The following DOCK1 variants were observed in gnomAD, a reference collection of about 807,000 sequenced individuals.
The protein encoded by DOCK1 is dedicator of cytokinesis 1.
A neutral mutation model predicts 262.7 loss-of-function variants in DOCK1; 138 were observed. That is an observed-to-expected ratio of 0.53 (90% CI 0.46 to 0.61). The LOEUF (loss-of-function observed/expected upper bound fraction) is 0.61, where lower values mean the gene tolerates loss of function less well. Ranked by LOEUF, DOCK1 falls within the 20% of genes least tolerant of loss-of-function variation. DOCK1 has a pLI of 0.00. For synonymous variants in DOCK1, 866 were observed against 867.4 expected, an observed-to-expected ratio of 1.00 and a Z score of 0.03; for missense variants, 1,908 against 2,370.7, an observed-to-expected ratio of 0.80 and a Z score of 4.05.
intron 46 of DOCK1, among the ~76,000 whole-genome samples, chr10:127,421,040 C>T (rs746065036): frequency 1.2e-4 from 18 of 152,062 alleles, no homozygotes; most frequent in Non-Finnish European, 1.6e-4. Context: ...CCTTAGCCTT[C>T]CAAGTAGCTG....
intron 27 of DOCK1, among the ~76,000 whole-genome samples, chr10:127,143,713 G>A (rs2051504840): frequency 6.6e-6 from 1 of 152,156 alleles, no homozygotes; most frequent in South Asian, 2.1e-4. Context: ...GTTGGGATCT[G>A]GATCCCAGGC....
intron 19 of DOCK1, 112 bp downstream of exon 19, chr10:127,037,928 C>G: frequency 1.2e-6 from 1 of 868,932 alleles, no homozygotes; most frequent in Non-Finnish European, 1.7e-6. Flanking sequence ...TGGTTATACT[C>G]CCTTTAAAAA....
intron 23 of DOCK1, among the ~76,000 whole-genome samples, chr10:127,078,368 T>C (rs1167035426): frequency 1.3e-5 from 2 of 151,964 alleles, no homozygotes; most frequent in African/African-American, 4.8e-5. Context: ...AGGAGCCCCT[T>C]TGGGGGTGTG....
chr10:127,345,165 A>G (rs61870292), intron 31 of DOCK1, among the ~76,000 whole-genome samples: 9,205 of 152,326 alleles, frequency 0.06, 330 homozygotes, highest in Middle Eastern at 0.11. Context: ...ACCCAGTGAC[A>G]TATTTCTCAG....
chr10:127,361,943 C>T, intron 32 of DOCK1, 121 bp from the exon 33 acceptor site: 1 of 1,164,876 alleles, frequency 8.6e-7, no homozygotes, highest in Non-Finnish European at 1.2e-6. Context: ...AATGGATGCA[C>T]ATTTTCGGGA....
intron 29 of DOCK1, among the ~76,000 whole-genome samples, chr10:127,333,731 G>A (rs1419415167): frequency 3.3e-5 from 5 of 152,162 alleles, no homozygotes; most frequent in African/African-American, 1.2e-4. Context: ...GCAGAGCCTC[G>A]CCGGCCACAC....
rs1042146609 is a variant in DOCK1 at position 127,382,756 on chromosome 10, G to A, written c.3807+1388G>A. 3.3e-5 allele frequency among the ~76,000 whole-genome samples: 5 copies of A among 152,272 alleles called. No homozygotes were observed. The South Asian group carries it at 6.2e-4, about 19-fold the overall frequency. ...AAACTGCTCACTCAACCCTTACTCC[G>A]TCCCTCATAGAACGTAAACTTTTAT... On this transcript the variant is annotated intron_variant, in intron 37 of 51. Transcript: ENST00000623213.
intron 29 of DOCK1, among the ~76,000 whole-genome samples, chr10:127,330,838 T>C (rs2062945458): frequency 2.0e-5 from 3 of 152,226 alleles, no homozygotes; most frequent in African/African-American, 7.2e-5. Flanking sequence ...ACATGTGTGA[T>C]TGAGCCATGC....
chr10:127,030,826 C>G (rs2043186786), intron 16 of DOCK1, among the ~76,000 whole-genome samples: 1 of 151,846 alleles, frequency 6.6e-6, no homozygotes, highest in Non-Finnish European at 1.5e-5. Context: ...CTGTCTCTAT[C>G]TCTATCTCTG....
At chr10:127,388,556 T>C (rs76579230) in intron 38 of DOCK1, among the ~76,000 whole-genome samples, 1,830 of 152,338 alleles carry the variant, frequency 0.012, 32 homozygotes, top group African/African-American at 0.042. Context: ...ACAATCTGGA[T>C]GGCCTGCACT....
intron 23 of DOCK1, among the ~76,000 whole-genome samples, chr10:127,093,227 C>CTTTTCTTTT (rs748178663): frequency 1.0e-4 from 7 of 67,830 alleles, no homozygotes; most frequent in African/African-American, 4.0e-4. Context: ...TCTTTTCTTT[C>CTTTTCTTTT]TTTCTTTCTT....
intron 27 of DOCK1, among the ~76,000 whole-genome samples, chr10:127,179,510 T>C (rs2055515071): frequency 6.6e-6 from 1 of 152,220 alleles, no homozygotes; most frequent in Admixed American, 6.5e-5. Flanking sequence ...TTATTTTGGC[T>C]TCAAATGAGG....
chr10:127,073,711 A>T (rs555547536), intron 23 of DOCK1, among the ~76,000 whole-genome samples: 4 of 152,364 alleles, frequency 2.6e-5, no homozygotes, highest in Admixed American at 2.0e-4. Context: ...TTTAAGCAGG[A>T]GGCTATCCCT....
intron 29 of DOCK1, among the ~76,000 whole-genome samples, chr10:127,299,547 C>A (rs2135420740): frequency 6.6e-6 from 1 of 152,354 alleles, no homozygotes; most frequent in African/African-American, 2.4e-5. Context: ...ACACCAGAAA[C>A]TAAGAGGAAG....
Position 127,023,433 on chromosome 10 carries a change from C to T in DOCK1, c.1452+109C>T, listed in dbSNP as rs1490293740. On this transcript the variant is annotated intron_variant, in intron 14 of 51. Coordinates refer to ENST00000623213, the MANE Select transcript of DOCK1 (RefSeq NM_001290223.2). The stretch of plus-strand genomic sequence containing the variant: ...TCGTCAGGGTGGGGCTTTGGAGTCC[C>T]GTTTCTTGGGATTGGCGTTGGTTCT... The T allele has an allele frequency of 4.2e-6, 6 of 1,426,286 alleles. No individual in the cohort carries two copies. The South Asian group carries it at 4.4e-5, about 10-fold the overall frequency. The allele number at this position is 1,426,286 out of a possible 1,614,324, so 88.4% of individuals were successfully genotyped here.
chr10:127,162,722 C>A, intron 27 of DOCK1, among the ~76,000 whole-genome samples: 1 of 151,946 alleles, frequency 6.6e-6, no homozygotes, highest in East Asian at 1.9e-4. Context: ...AATCATAGAC[C>A]TTAATGGACT....
intron 38 of DOCK1, among the ~76,000 whole-genome samples, chr10:127,387,953 G>A (rs980487175): frequency 2.0e-5 from 3 of 151,634 alleles, no homozygotes; most frequent in Non-Finnish European, 2.9e-5. Context: ...GAATGTGTTC[G>A]GTTCAGTACA....
chr10:127,280,030 A>ATATATATATATG (rs2060891246), intron 29 of DOCK1, among the ~76,000 whole-genome samples: 1 of 139,722 alleles, frequency 7.2e-6, no homozygotes, highest in African/African-American at 2.7e-5. Context: ...ATATATATAT[A>ATATATATATATG]TATAATTTTT....
chr10:127,138,797 G>T (rs1454610412), intron 27 of DOCK1, among the ~76,000 whole-genome samples: 1 of 152,186 alleles, frequency 6.6e-6, no homozygotes, highest in Non-Finnish European at 1.5e-5. Context: ...TGTTAAAGAT[G>T]ATTTTTGAAC....
Sources: allele counts gnomAD v4.1 joint callset (sites outside exome capture counted in the v4.1 genomes callset), GRCh38; gene constraint gnomAD v4.1.1; transcripts MANE v1.5; gene names NCBI Gene and HGNC (gene_info 2026-07-23, HGNC 2026-07-21).